The following FBRSL1 variants were observed in gnomAD, a reference collection of about 807,000 sequenced individuals.
FBRSL1 encodes fibrosin-1-like protein.
A neutral mutation model predicts 89.6 loss-of-function variants in FBRSL1; 51 were observed. The observed-to-expected ratio is 0.57, with a 90% CI of 0.45 to 0.72. The LOEUF is 0.72. Among genes scored for constraint, FBRSL1 ranks in the 30% least tolerant of loss-of-function variants. FBRSL1 has a pLI of 0.00. For synonymous variants in FBRSL1, 779 were observed against 681.1 expected (o/e 1.14, Z -2.24); for missense variants, 1,618 against 1,451.8 (o/e 1.11, Z -1.86).
At chr12:132,563,093 C>T (rs1408554653) in intron 5 of FBRSL1, among the ~76,000 whole-genome samples, 1 of 2,352 alleles carries the variant, frequency 4.3e-4, no homozygotes, top group African/African-American at 3.0e-3. Context: ...GCACCCCACG[C>T]CTGGCCCCCA....
intron 1 of FBRSL1, among the ~76,000 whole-genome samples, chr12:132,501,854 G>A (rs536229956): frequency 1.3e-5 from 2 of 152,280 alleles, no homozygotes; most frequent in South Asian, 2.1e-4. Flanking sequence ...TCCTTCCTTC[G>A]ACTGCCCAGA....
At chr12:132,541,006 G>T (rs917513498) in intron 4 of FBRSL1, among the ~76,000 whole-genome samples, 4 of 152,074 alleles carry the variant, frequency 2.6e-5, no homozygotes, top group African/African-American at 9.7e-5. Flanking sequence ...GGCACGTCAG[G>T]TGCAAATCCA....
chr12:132,509,980 G>A (rs1396077013), intron 2 of FBRSL1: 10 of 1,231,294 alleles, frequency 8.1e-6, no homozygotes, highest in African/African-American at 4.7e-5. Flanking sequence ...AGCCGCCCCC[G>A]GCGGTCGCTG....
At position 132,570,042 on chromosome 12, in the gene FBRSL1, C is replaced by T; in HGVS notation, c.808C>T (p.His270Tyr). 1 of 1,508,894 alleles carries T rather than the reference C, an allele frequency of 6.6e-7. No individual in the cohort carries two copies. Among genetic ancestry groups the T allele is most frequent in the Non-Finnish European group, 8.8e-7 (1 of 1,135,370 alleles). The allele number at this position is 1,508,894 out of a possible 1,614,324, so 93.5% of individuals were successfully genotyped here. The change falls in exon 7 of 19, where the codon CAT (histidine) becomes TAT (tyrosine). Residue 270 changes from histidine (H) to tyrosine (Y), a missense_variant. Coordinates refer to ENST00000680143, the MANE Select transcript of FBRSL1 (RefSeq NM_001367871.1). ...SFLPTASPAP[H>Y]AAPCPGPPPG... ...CCTGCCCACTGCCAGCCCCGCGCCC[C>T]ATGCCGCGCCCTGCCCGGGGCCCCC...
intron 2 of FBRSL1, chr12:132,509,911 G>A (rs1193754816): frequency 1.5e-5 from 18 of 1,231,112 alleles, no homozygotes; most frequent in African/African-American, 1.2e-4. Context: ...TGCCCCCGGC[G>A]GGCCTTCCTA....
chr12:132,494,436 C>G (rs1031172835), intron 1 of FBRSL1, among the ~76,000 whole-genome samples: 1 of 152,242 alleles, frequency 6.6e-6, no homozygotes, highest in Non-Finnish European at 1.5e-5. Context: ...CAGGTTGTGC[C>G]GGTCCCTGTG....
At chr12:132,562,851 A>C (rs2039252097) in intron 5 of FBRSL1, among the ~76,000 whole-genome samples, 2 of 152,078 alleles carry the variant, frequency 1.3e-5, no homozygotes, top group South Asian at 4.1e-4. Flanking sequence ...TTCCCATTCC[A>C]GCAAGAAGGT....
chr12:132,557,000 C>T (rs1397838545), intron 5 of FBRSL1, among the ~76,000 whole-genome samples: 3 of 152,182 alleles, frequency 2.0e-5, no homozygotes, highest in East Asian at 3.9e-4. Flanking sequence ...TAACCATGGC[C>T]GAATGGAGGT....
chr12:132,570,385 C>A lies in FBRSL1; in HGVS notation c.1058C>A (p.Pro353Gln). ...LGLGKHVSLS[P>Q]HGPGPHLSTS... Reference sequence around the variant, plus strand: ...CTGGGGAAGCACGTGTCGCTGTCGCCACACGGGCCGGGCCCCCACCTGTCT... The same window carrying A: ...CTGGGGAAGCACGTGTCGCTGTCGCAACACGGGCCGGGCCCCCACCTGTCT... The change falls in exon 8 of 19, where the codon CCA becomes CAA. Residue 353 changes from proline to glutamine, a missense_variant. Transcript: ENST00000680143. The A allele has an allele frequency of 6.5e-7, 1 of 1,534,142 alleles. No homozygotes were observed. The highest frequency in any genetic ancestry group is 8.7e-7 in the Non-Finnish European group (1 of 1,145,484).
At chr12:132,508,933 G>A (rs1391196472) in intron 2 of FBRSL1, among the ~76,000 whole-genome samples, 1 of 152,178 alleles carries the variant, frequency 6.6e-6, no homozygotes, top group Non-Finnish European at 1.5e-5. Flanking sequence ...TCCCCAGCGC[G>A]TGGGGCTCTG....
At chr12:132,527,571 T>A (rs1566145583) in intron 3 of FBRSL1, among the ~76,000 whole-genome samples, 1 of 151,654 alleles carries the variant, frequency 6.6e-6, no homozygotes, top group Non-Finnish European at 1.5e-5. Flanking sequence ...CCTGTCCCCA[T>A]CCGAGTTGAG....
At chr12:132,556,645 C>T (rs1480161532) in intron 5 of FBRSL1, among the ~76,000 whole-genome samples, 1 of 140,308 alleles carries the variant, frequency 7.1e-6, no homozygotes, top group African/African-American at 2.7e-5. Context: ...CTCTCCAGGC[C>T]TTCATGCTGC....
In FBRSL1 at chr12:132,581,844, C is replaced by A. The variant is rs1193380291; in HGVS notation, c.1996+20C>A. The A allele has an allele frequency of 2.6e-5, 40 of 1,515,026 alleles. No individual in the cohort carries two copies. Among genetic ancestry groups the A allele is most frequent in the Non-Finnish European group, 3.5e-5 (39 of 1,128,062 alleles). The allele number at this position is 1,515,026 out of a possible 1,614,324, so 93.8% of individuals were successfully genotyped here. A position where few individuals can be genotyped will look rare whatever the true frequency, so the allele number is the denominator to read the frequency against. On this transcript the variant is annotated intron_variant, in intron 17 of 18. Transcript: ENST00000680143. ...CACTGGGTGAGTGACCCAGCCTGTG[C>A]CCCCCTCCCCCGATGCCCGCGCCCC...
chr12:132,525,877 C>T, intron 3 of FBRSL1, 54 bp downstream of exon 3: 7 of 1,396,808 alleles, frequency 5.0e-6, no homozygotes, highest in Non-Finnish European at 6.9e-6. Context: ...CGCCTGCCCG[C>T]TGCGCCCCGC....
At chr12:132,578,524 C>T (rs2040532179) in intron 15 of FBRSL1, among the ~76,000 whole-genome samples, 1 of 152,092 alleles carries the variant, frequency 6.6e-6, no homozygotes, top group Non-Finnish European at 1.5e-5. Flanking sequence ...GTCTAAGTGG[C>T]CCGCACAGTT....
In FBRSL1 at chr12:132,571,099, A is replaced by C; in HGVS notation, c.1245A>C (p.Pro415=). 1 of 1,358,190 alleles carries C rather than the reference A, an allele frequency of 7.4e-7. No individual in the cohort carries two copies. Among genetic ancestry groups the C allele is most frequent in the Non-Finnish European group, 9.5e-7 (1 of 1,057,530 alleles). The allele number at this position is 1,358,190 out of a possible 1,614,324, so 84.1% of individuals were successfully genotyped here. A position where few individuals can be genotyped will look rare whatever the true frequency, so the allele number is the denominator to read the frequency against. ...DASLAVSFSQ[P]IMYCQPHSGI... ...GCCTGGCGGTCTCATTCAGCCAGCC[A>C]ATCATGTATTGCCAGCCTCATTCGG... Residue 415 remains proline (P), a synonymous_variant, in exon 9 of 19, where the codon CCA becomes CCC. Transcript: ENST00000680143.
At chr12:132,510,424 C>A in intron 2 of FBRSL1, 3 of 1,232,114 alleles carry the variant, frequency 2.4e-6, no homozygotes, top group Non-Finnish European at 2.0e-6. Context: ...CGTCAGGCCC[C>A]ATCTGTGAGC....
chr12:132,580,916 G>T (rs979704257), intron 15 of FBRSL1: 2 of 985,338 alleles, frequency 2.0e-6, no homozygotes, highest in Non-Finnish European at 2.4e-6. Context: ...AGGGTTGTTG[G>T]GGGGCCAGGG....
chr12:132,543,299 T>G (rs893154040), intron 4 of FBRSL1, among the ~76,000 whole-genome samples: 3 of 152,204 alleles, frequency 2.0e-5, no homozygotes, highest in Admixed American at 2.0e-4. Flanking sequence ...GAAGAGACCT[T>G]TGCCACGGTG....
Sources: gnomAD v4.1 joint callset for allele counts (sites outside exome capture counted in the v4.1 genomes callset) on GRCh38, gnomAD v4.1.1 for gene constraint, MANE v1.5 for transcripts, NCBI Gene and HGNC (gene_info 2026-07-23, HGNC 2026-07-21) for gene names.